The following SRL variants were observed in gnomAD, a reference collection of about 807,000 sequenced individuals.
The protein encoded by SRL is sarcalumenin.
In SRL, 23 loss-of-function variants were observed where a neutral mutation model predicts 39.5. The ratio of observed to expected loss-of-function variants is 0.58; its 90% confidence interval spans 0.42 to 0.82. The LOEUF (loss-of-function observed/expected upper bound fraction) is 0.82, where lower values mean the gene tolerates loss of function less well. Among genes scored for constraint, SRL ranks in the 40% least tolerant of loss-of-function variants. SRL has a pLI of 0.00. For missense variants in SRL, 592 were observed against 607.8 expected, an observed-to-expected ratio of 0.97 and a Z score of 0.27; for synonymous variants, 272 against 237.4, an observed-to-expected ratio of 1.15 and a Z score of -1.34.
Position 4,216,759 on chromosome 16 carries a change from C to T in SRL, c.62-12125G>A, listed in dbSNP as rs184549123. 4.1e-4 allele frequency among the ~76,000 whole-genome samples: 63 copies of T among 152,206 alleles called. No homozygotes were observed. In the Middle Eastern group the frequency reaches 0.014, roughly 33 times the overall value. On this transcript the variant is annotated intron_variant, in intron 1 of 5. Transcript: ENST00000399609. Reference sequence around the variant, plus strand: ...GCCTGCTGCCTCCCTTCAGAGGGGCCGAGCTGGGGAGGAAAGGGAAAGGAA... The same window carrying T: ...GCCTGCTGCCTCCCTTCAGAGGGGCTGAGCTGGGGAGGAAAGGGAAAGGAA...
intron 1 of SRL, among the ~76,000 whole-genome samples, chr16:4,236,972 C>A (rs1265357797): frequency 6.8e-6 from 1 of 146,314 alleles, no homozygotes; most frequent in Non-Finnish European, 1.5e-5. Context: ...GACAAGGTCT[C>A]ACTCAGTTGC....
At chr16:4,193,577 C>T (rs1429140595) in intron 5 of SRL, among the ~76,000 whole-genome samples, 1 of 152,162 alleles carries the variant, frequency 6.6e-6, no homozygotes, top group African/African-American at 2.4e-5. Context: ...ATATTAAATG[C>T]CTCTAAGCTC....
intron 3 of SRL, among the ~76,000 whole-genome samples, chr16:4,201,310 T>A (rs2052226907): frequency 6.6e-6 from 1 of 152,048 alleles, no homozygotes; most frequent in Admixed American, 6.6e-5. Context: ...GGAGTCTCAC[T>A]CTGTCACCCA....
chr16:4,192,249 G>A lies in SRL; in HGVS notation c.1326C>T (p.Leu442=). The change falls in exon 6 of 6, where the codon CTC becomes CTT. Residue 442 remains leucine (L), a synonymous_variant. Coordinates refer to ENST00000399609, the MANE Select transcript of SRL (RefSeq NM_001098814.2). The surrounding 1 kb of genome is among the most constrained non-coding windows in gnomAD (Gnocchi z 4.0). ...TCTTCCCGAGCCCGAGGCTACCCAG[G>A]AGGCCCGGAAGCTCCTGAGTGATGG... ...ERAITQELPG[L]LGSLGLGKNP... 1.2e-6 allele frequency: 2 copies of A among 1,613,638 alleles called. No homozygotes were observed. The highest frequency in any genetic ancestry group is 1.7e-6 in the Non-Finnish European group (2 of 1,179,802).
chr16:4,225,684 C>T (rs1329188031), intron 1 of SRL, among the ~76,000 whole-genome samples: 6 of 152,130 alleles, frequency 3.9e-5, no homozygotes, highest in East Asian at 3.8e-4. Context: ...CTGCCCCCAC[C>T]GGCTCCCTGG....
At chr16:4,220,397 G>A (rs958212932) in intron 1 of SRL, among the ~76,000 whole-genome samples, 5 of 151,434 alleles carry the variant, frequency 3.3e-5, no homozygotes, top group African/African-American at 4.9e-5. Flanking sequence ...GCAGTGAGCC[G>A]AGATCACGCC....
In SRL at chr16:4,192,458, C is replaced by T; in HGVS notation, c.1117G>A (p.Glu373Lys). ...AAGATGTAGAATTTATCGGGATCTT[C>T]CACAATGTCCTTAAAGACCAGTTCT... ...DGELVFKDIV[E>K]DPDKFYIFKT... The change falls in exon 6 of 6, where the codon GAA (glutamate) becomes AAA (lysine). Residue 373 changes from glutamate to lysine, a missense_variant. By Grantham distance (56) the Glu-to-Lys change is moderately conservative (BLOSUM62 1). Transcript: ENST00000399609. The surrounding 1 kb of genome is among the most constrained non-coding windows in gnomAD (Gnocchi z 4.0). The T allele has an allele frequency of 1.2e-6, 2 of 1,614,184 alleles. No individual in the cohort carries two copies. The highest frequency in any genetic ancestry group is 1.7e-6 in the Non-Finnish European group (2 of 1,180,038).
At chr16:4,237,972 G>A (rs538243967) in intron 1 of SRL, among the ~76,000 whole-genome samples, 2 of 152,200 alleles carry the variant, frequency 1.3e-5, no homozygotes, top group South Asian at 2.1e-4. Context: ...GGGAGAAGAC[G>A]CCTCCTCTCC....
chr16:4,229,149 T>TA (rs1022215143), intron 1 of SRL, among the ~76,000 whole-genome samples: 11 of 151,616 alleles, frequency 7.3e-5, no homozygotes, highest in Admixed American at 2.6e-4. Flanking sequence ...AACCAGCCAT[T>TA]AAAAAAAATC....
At chr16:4,237,205 GT>G (rs2141072507) in intron 1 of SRL, among the ~76,000 whole-genome samples, 1 of 152,222 alleles carries the variant, frequency 6.6e-6, no homozygotes, top group East Asian at 1.9e-4. Flanking sequence ...GCCTCCCAAA[GT>G]GCTGGGATTA....
chr16:4,195,534 G>A lies in SRL; in HGVS notation c.610+19C>T. 1 of 1,612,324 alleles carries A rather than the reference G, an allele frequency of 6.2e-7. No homozygotes were observed. The highest frequency in any genetic ancestry group is 8.5e-7 in the Non-Finnish European group (1 of 1,178,412). On this transcript the variant is annotated intron_variant, in intron 5 of 5. Transcript: ENST00000399609. ...TTTGAAACAGAGCTTACACTGTTCA[G>A]AAATGAGGGCTAAATTACCTCTTTC...
chr16:4,231,665 C>T (rs75023450), intron 1 of SRL, among the ~76,000 whole-genome samples: 29,802 of 152,048 alleles, frequency 0.2, 3,175 homozygotes, highest in Middle Eastern at 0.26. Flanking sequence ...GTCTCCCCTC[C>T]TAGTCTGTAA....
At chr16:4,228,652 G>A (rs1307129740) in intron 1 of SRL, among the ~76,000 whole-genome samples, 6 of 151,570 alleles carry the variant, frequency 4.0e-5, no homozygotes, top group Non-Finnish European at 7.4e-5. Context: ...GGAGAATGGA[G>A]TGAACCCAGG....
intron 1 of SRL, among the ~76,000 whole-genome samples, chr16:4,223,685 G>A (rs1252587888): frequency 1.3e-5 from 2 of 152,024 alleles, no homozygotes; most frequent in African/African-American, 2.4e-5. Flanking sequence ...ACCACATCCG[G>A]CAAGGAATCT....
chr16:4,191,902 A>T lies in SRL; in HGVS notation c.*251T>A. The T allele has an allele frequency of 2.3e-6, 1 of 441,828 alleles. No individual in the cohort carries two copies. Among genetic ancestry groups the T allele is most frequent in the Non-Finnish European group, 4.0e-6 (1 of 251,548 alleles). 27.4% of individuals were successfully genotyped at this position (441,828 alleles called of 1,614,324 possible). A position where few individuals can be genotyped will look rare whatever the true frequency, so the allele number is the denominator to read the frequency against. Reference sequence around the variant, plus strand: ...TTCCAAGACAGGACCCAGGAAAAGCAGGTGGAGGCTGACTTGCCTCAATCA... The same window carrying T: ...TTCCAAGACAGGACCCAGGAAAAGCTGGTGGAGGCTGACTTGCCTCAATCA... On this transcript the variant is annotated 3_prime_UTR_variant, in exon 6 of 6. Transcript: ENST00000399609.
At chr16:4,219,275 T>G (rs929181987) in intron 1 of SRL, among the ~76,000 whole-genome samples, 7 of 152,192 alleles carry the variant, frequency 4.6e-5, no homozygotes, top group African/African-American at 1.7e-4. Context: ...CCCAGACAAA[T>G]ACAACTTCCC....
chr16:4,195,849 G>T, intron 4 of SRL, 63 bp from the exon 5 acceptor site: 3 of 1,413,486 alleles, frequency 2.1e-6, no homozygotes, highest in Non-Finnish European at 2.0e-6. Context: ...CTACTGAGAA[G>T]CATGTGTATA....
At chr16:4,199,926 ACCTCAAGTGATCCACCTG>A (rs1043045285) in intron 3 of SRL, among the ~76,000 whole-genome samples, 1 of 151,784 alleles carries the variant, frequency 6.6e-6, no homozygotes, top group Non-Finnish European at 1.5e-5. Flanking sequence ...CGAACTCTTG[ACCTCAAGTGATCCACCTG>A]CCTCGGCTTC....
intron 1 of SRL, among the ~76,000 whole-genome samples, chr16:4,228,362 G>C (rs2052615541): frequency 6.6e-6 from 1 of 151,848 alleles, no homozygotes; most frequent in African/African-American, 2.4e-5. Flanking sequence ...CTTGAACCCG[G>C]GAGGTGGAGG....
Sources: gnomAD v4.1 joint callset for allele counts (sites outside exome capture counted in the v4.1 genomes callset) on GRCh38, gnomAD v4.1.1 for gene constraint, Gnocchi (gnomAD v3.1) non-coding constraint, MANE v1.5 for transcripts, NCBI Gene and HGNC (gene_info 2026-07-23, HGNC 2026-07-21) for gene names.